Variants in PCNX2 observed in about 807,000 individuals in gnomAD.
The protein encoded by PCNX2 is pecanex-like protein 2.
A neutral mutation model predicts 223.8 loss-of-function variants in PCNX2; 168 were observed. That is an observed-to-expected ratio of 0.75 (90% CI 0.66 to 0.85). PCNX2 has a LOEUF of 0.85. Among genes scored for constraint, PCNX2 ranks in the 40% least tolerant of loss-of-function variants. The pLI, the probability that PCNX2 is intolerant of heterozygous loss-of-function variation, is 0.00. For synonymous variants in PCNX2, 1,006 were observed against 1,052.6 expected (o/e 0.96, Z 0.86); for missense variants, 2,507 against 2,675.5 (o/e 0.94, Z 1.39).
At chr1:233,211,394 G>A (rs1161186673) in intron 12 of PCNX2, among the ~76,000 whole-genome samples, 3 of 151,504 alleles carry the variant, frequency 2.0e-5, no homozygotes, top group Admixed American at 6.6e-5. Flanking sequence ...GCAGTGGCAT[G>A]ATCATAGCTC....
intron 21 of PCNX2, among the ~76,000 whole-genome samples, chr1:233,108,728 A>T (rs10910661): frequency 6.6e-6 from 1 of 152,024 alleles, no homozygotes; most frequent in Non-Finnish European, 1.5e-5. Context: ...TGCAGCTGGG[A>T]GGGAAGGGAT....
At chr1:233,296,927 C>T (rs994884702), upstream of PCNX2, among the ~76,000 whole-genome samples, 7 of 152,252 alleles carry the variant, frequency 4.6e-5, no homozygotes, top group Non-Finnish European at 1.0e-4. Flanking sequence ...CAGCAAAAGC[C>T]TCACTATGGT....
At chr1:233,035,014 A>G (rs1671402679) in intron 25 of PCNX2, among the ~76,000 whole-genome samples, 1 of 152,194 alleles carries the variant, frequency 6.6e-6, no homozygotes, top group Admixed American at 6.5e-5. Context: ...AGCCACCCAC[A>G]GTCTCATTTC....
intron 25 of PCNX2, among the ~76,000 whole-genome samples, chr1:233,037,747 C>G (rs535140896): frequency 6.6e-6 from 1 of 152,306 alleles, no homozygotes; most frequent in Admixed American, 6.5e-5. Flanking sequence ...GAGCCTAGCA[C>G]AGATTTTATA....
At chr1:233,039,287 C>A (rs1283420425) in intron 25 of PCNX2, among the ~76,000 whole-genome samples, 2 of 152,082 alleles carry the variant, frequency 1.3e-5, no homozygotes, top group African/African-American at 2.4e-5. Context: ...AGGGAGTCTA[C>A]GGATAGGCCG....
chr1:233,080,401 A>AACACACAC (rs10611197), intron 23 of PCNX2, among the ~76,000 whole-genome samples: 2 of 140,514 alleles, frequency 1.4e-5, no homozygotes, highest in African/African-American at 5.1e-5. Context: ...CACACACACA[A>AACACACAC]ACACACACAC....
chr1:233,044,397 A>G (rs902707521), intron 25 of PCNX2, among the ~76,000 whole-genome samples: 2 of 152,138 alleles, frequency 1.3e-5, no homozygotes, highest in African/African-American at 4.8e-5. Context: ...TGCTGTGCAG[A>G]AGCTCTTTAG....
chr1:233,016,847 AG>A, intron 27 of PCNX2, 73 bp downstream of exon 27: 2 of 1,546,404 alleles, frequency 1.3e-6, no homozygotes, highest in Non-Finnish European at 1.8e-6. Context: ...AATATAAGAA[AG>A]AGATGGACAT....
chr1:233,322,454 G>A, the PCNX2 span, among the ~76,000 whole-genome samples: 1 of 152,194 alleles, frequency 6.6e-6, no homozygotes, highest in East Asian at 1.9e-4. Flanking sequence ...TCTCATCTGG[G>A]ACAGTTTCCT....
intron 32 of PCNX2, among the ~76,000 whole-genome samples, chr1:232,986,914 C>G (rs1199697411): frequency 1.3e-5 from 2 of 152,218 alleles, no homozygotes; most frequent in East Asian, 3.9e-4. Flanking sequence ...ATGCCAGCAG[C>G]AGAACTTGGG....
chr1:233,080,375 T>C (rs1323868584), intron 23 of PCNX2, among the ~76,000 whole-genome samples: 1 of 149,304 alleles, frequency 6.7e-6, no homozygotes, highest in East Asian at 2.0e-4. Context: ...AAACAAGTCA[T>C]TTTCATCCAT....
chr1:233,014,518 G>A (rs1670580403), intron 28 of PCNX2, 147 bp downstream of exon 28: 1 of 638,962 alleles, frequency 1.6e-6, no homozygotes, highest in Non-Finnish European at 2.7e-6. Flanking sequence ...GTTCATGTAG[G>A]CCCAATATAA....
At chr1:233,167,739 A>G (rs921763590) in intron 17 of PCNX2, 15 of 984,740 alleles carry the variant, frequency 1.5e-5, no homozygotes, top group Non-Finnish European at 1.8e-5. Flanking sequence ...GAATCTTGTA[A>G]AACACCTGAA....
chr1:233,282,937 A>G lies in PCNX2; in HGVS notation c.153+12389T>C, dbSNP rs546937299. 4.6e-5 allele frequency among the ~76,000 whole-genome samples: 7 copies of G among 152,328 alleles called. No individual in the cohort carries two copies. In the East Asian group the frequency reaches 1.4e-3, roughly 29 times the overall value. ...AAATGATAGCATAACCACAAAGATG[A>G]ACCAAAAAATAATTGGAAAATAATT... On this transcript the variant is annotated intron_variant, in intron 1 of 33. Coordinates refer to ENST00000258229, the MANE Select transcript of PCNX2 (RefSeq NM_014801.4).
chr1:233,054,700 A>G (rs1443258195), intron 24 of PCNX2: 1 of 485,186 alleles, frequency 2.1e-6, no homozygotes, highest in Admixed American at 3.7e-5. Flanking sequence ...GGCCATAAGC[A>G]GCATCGATTT....
intron 21 of PCNX2, among the ~76,000 whole-genome samples, chr1:233,118,744 C>T (rs548202132): frequency 1.3e-5 from 2 of 152,206 alleles, no homozygotes; most frequent in South Asian, 4.1e-4. Flanking sequence ...ACTGTAGTTA[C>T]AGATTGGAAG....
At chr1:233,251,353 A>T (rs1659440694) in intron 7 of PCNX2, among the ~76,000 whole-genome samples, 1 of 152,216 alleles carries the variant, frequency 6.6e-6, no homozygotes, top group Non-Finnish European at 1.5e-5. Flanking sequence ...TCTGTTAATG[A>T]GGAAAAGCAA....
rs148008847 is a variant in PCNX2 at position 233,220,772 on chromosome 1, C to T, written c.2505-2588G>A. On this transcript the variant is annotated intron_variant, in intron 10 of 33. Coordinates refer to ENST00000258229, the MANE Select transcript of PCNX2 (RefSeq NM_014801.4). ...AAAAAGAACCCGAATCTAATGCTGA[C>T]ACCTGATGCTTCAATAGCTAACAAA... Among the ~76,000 whole-genome samples, 501 of 152,170 alleles carry T rather than the reference C, an allele frequency of 3.3e-3. 1 individual carries two copies. The highest frequency in any genetic ancestry group is 0.011 in the African/African-American group (477 of 41,510).
At chr1:233,121,530 C>T (rs1302702011) in intron 21 of PCNX2, among the ~76,000 whole-genome samples, 1 of 152,112 alleles carries the variant, frequency 6.6e-6, no homozygotes, top group Admixed American at 6.5e-5. Context: ...AAGACCCATA[C>T]AAATATGGTC....
Sources: gnomAD v4.1 joint callset for allele counts (sites outside exome capture counted in the v4.1 genomes callset) on GRCh38, gnomAD v4.1.1 for gene constraint, MANE v1.5 for transcripts, NCBI Gene and HGNC (gene_info 2026-07-23, HGNC 2026-07-21) for gene names.